GCNT3: variants seen among roughly 807,000 people sequenced by gnomAD.
The protein encoded by GCNT3 is glucosaminyl (N-acetyl) transferase 3, mucin type.
For synonymous variants in GCNT3, 269 were observed against 195.2 expected, an observed-to-expected ratio of 1.38 and a Z score of -3.15; for missense variants, 708 against 530.3, an observed-to-expected ratio of 1.34 and a Z score of -3.29.
intron 1 of GCNT3, among the ~76,000 whole-genome samples, chr15:59,612,582 A>G (rs556101783): frequency 1.3e-5 from 2 of 152,242 alleles, no homozygotes; most frequent in African/African-American, 2.4e-5. Flanking sequence ...ATCATACCCC[A>G]GGTTTCAGTT....
rs771411777 is a variant in GCNT3 at position 59,618,894 on chromosome 15, C to G, written c.656C>G (p.Pro219Arg). 18 of 1,614,020 alleles carry G rather than the reference C, an allele frequency of 1.1e-5. No homozygotes were observed. Among genetic ancestry groups the G allele is most frequent in the Non-Finnish European group, 1.5e-5 (18 of 1,180,046 alleles). Residue 219 changes from proline to arginine, a missense_variant, in exon 3 of 3, where the codon CCG (proline) becomes CGG (arginine). Coordinates refer to ENST00000396065, the MANE Select transcript of GCNT3 (RefSeq NM_004751.3). ...CMEDLLQSSV[P>R]WKYFLNTCGT... Reference sequence around the variant, plus strand: ...GAAGACTTGCTCCAGAGCTCAGTGCCGTGGAAATACTTCCTGAATACATGT... The same window carrying G: ...GAAGACTTGCTCCAGAGCTCAGTGCGGTGGAAATACTTCCTGAATACATGT...
intron 1 of GCNT3, among the ~76,000 whole-genome samples, chr15:59,614,681 T>A: frequency 6.6e-6 from 1 of 152,218 alleles, no homozygotes; most frequent in Non-Finnish European, 1.5e-5. Flanking sequence ...TTAGCTGGCT[T>A]CTTTACTACA....
At chr15:59,612,038 A>C (rs1205836021) in intron 1 of GCNT3, 57 bp downstream of exon 1, 1 of 152,224 alleles carries the variant, frequency 6.6e-6, no homozygotes, top group Non-Finnish European at 1.5e-5. Flanking sequence ...TTGTAAATTC[A>C]GCTTAAGATG....
rs2082721747 is a variant in GCNT3 at position 59,616,820 on chromosome 15, C to A, written c.-122C>A. ...TGCCACGGAACACCGCCAGTCTTCACTTGGAAACAGAATCACGCCTTGTGA... is the reference window on the plus strand; with the variant it reads ...TGCCACGGAACACCGCCAGTCTTCAATTGGAAACAGAATCACGCCTTGTGA... On this transcript the variant is annotated 5_prime_UTR_variant, in exon 2 of 3. Transcript: ENST00000396065. 1 of 152,222 alleles carries A rather than the reference C, an allele frequency of 6.6e-6. No individual in the cohort carries two copies. Among genetic ancestry groups the A allele is most frequent in the Admixed American group, 6.5e-5 (1 of 15,288 alleles). 9.4% of individuals were successfully genotyped at this position (152,222 alleles called of 1,614,324 possible). A position where few individuals can be genotyped will look rare whatever the true frequency, so the allele number is the denominator to read the frequency against.
rs1890959572 is a variant in GCNT3, at chr15:59,622,639, T to A, written c.*3084T>A. Reference sequence around the variant, plus strand: ...GTGCAGATTCTCTGAGAAAAGAACTTTGGCCTCATAGTTAACTTACTCCAA... The same window carrying A: ...GTGCAGATTCTCTGAGAAAAGAACTATGGCCTCATAGTTAACTTACTCCAA... On this transcript the variant is annotated 3_prime_UTR_variant, in exon 3 of 3. Coordinates refer to ENST00000396065, the MANE Select transcript of GCNT3 (RefSeq NM_004751.3). The A allele has an allele frequency of 6.6e-6, 1 of 152,196 alleles. No individual in the cohort carries two copies. Among genetic ancestry groups the A allele is most frequent in the African/African-American group, 2.4e-5 (1 of 41,452 alleles). 9.4% of individuals were successfully genotyped at this position (152,196 alleles called of 1,614,324 possible). A position where few individuals can be genotyped will look rare whatever the true frequency, so the allele number is the denominator to read the frequency against.
chr15:59,615,719 C>T (rs1185610990), intron 1 of GCNT3, among the ~76,000 whole-genome samples: 1 of 147,506 alleles, frequency 6.8e-6, no homozygotes, highest in Non-Finnish European at 1.5e-5. Flanking sequence ...CTCATCTCTA[C>T]TTTAAAAAAA....
chr15:59,619,651 G>A lies in GCNT3; in HGVS notation c.*96G>A. On this transcript the variant is annotated 3_prime_UTR_variant, in exon 3 of 3. Coordinates refer to ENST00000396065, the MANE Select transcript of GCNT3 (RefSeq NM_004751.3). ...AGTGTGGGTGGGAGACCAGGGCTTT[G>A]CAATTCGTGGCATCCTTTAGGATAA... 1 of 757,330 alleles carries A rather than the reference G, an allele frequency of 1.3e-6. No individual in the cohort carries two copies. The highest frequency in any genetic ancestry group is 2.3e-6 in the Non-Finnish European group (1 of 440,840). 46.9% of individuals were successfully genotyped at this position (757,330 alleles called of 1,614,324 possible).
At chr15:59,613,577 T>A (rs201185103) in intron 1 of GCNT3, among the ~76,000 whole-genome samples, 10 of 115,460 alleles carry the variant, frequency 8.7e-5, no homozygotes, top group East Asian at 2.4e-4. Flanking sequence ...AATAAATAAA[T>A]AAAAATAAAA....
rs1274359135 is a variant in GCNT3, at chr15:59,611,819, C to G, written c.-413C>G. 1 of 152,168 alleles carries G rather than the reference C, an allele frequency of 6.6e-6. No homozygotes were observed. The highest frequency in any genetic ancestry group is 6.6e-5 in the Admixed American group (1 of 15,258). 9.4% of individuals were successfully genotyped at this position (152,168 alleles called of 1,614,324 possible). A position where few individuals can be genotyped will look rare whatever the true frequency, so the allele number is the denominator to read the frequency against. ...TCTTCTCTCTAAGTCACGGGAACTG[C>G]CCTTGCTACTTGTGACCTGCCCTTT... On this transcript the variant is annotated 5_prime_UTR_variant, in exon 1 of 3. Coordinates refer to ENST00000396065, the MANE Select transcript of GCNT3 (RefSeq NM_004751.3).
intron 1 of GCNT3, among the ~76,000 whole-genome samples, chr15:59,612,815 T>A (rs2082702349): frequency 6.6e-6 from 1 of 151,992 alleles, no homozygotes; most frequent in Admixed American, 6.6e-5. Flanking sequence ...CTCCCTGGGG[T>A]CAGTTGCAGC....
intron 2 of GCNT3, among the ~76,000 whole-genome samples, chr15:59,617,701 C>A (rs2082726151): frequency 6.6e-6 from 1 of 152,134 alleles, no homozygotes; most frequent in African/African-American, 2.4e-5. Context: ...GAAAAGCATT[C>A]TAATGCTATA....
In GCNT3 at chr15:59,619,734, G is replaced by T; in HGVS notation, c.*179G>T. On this transcript the variant is annotated 3_prime_UTR_variant, in exon 3 of 3. Coordinates refer to ENST00000396065, the MANE Select transcript of GCNT3 (RefSeq NM_004751.3). ...CTTTTGCCTTGCAAATTGCTGCCTG[G>T]GTGAATGCTGCTTGTTCTCTCACCC... 1.7e-6 allele frequency: 1 copy of T among 589,850 alleles called. No homozygotes were observed. The highest frequency in any genetic ancestry group is 2.1e-5 in the South Asian group (1 of 47,390). The allele number at this position is 589,850 out of a possible 1,614,324, so 36.5% of individuals were successfully genotyped here. A position where few individuals can be genotyped will look rare whatever the true frequency, so the allele number is the denominator to read the frequency against.
rs1320257236 is a variant in GCNT3, at chr15:59,619,175, C to A, written c.937C>A (p.Pro313Thr). 1.2e-6 allele frequency: 2 copies of A among 1,613,980 alleles called. No homozygotes were observed. Among genetic ancestry groups the A allele is most frequent in the South Asian group, 1.1e-5 (1 of 91,056 alleles). ...TTTCGTCCAACATGTTTTGAAGAAC[C>A]CTAAATCCCAACAACTGATTGAATG... ...RDFVQHVLKN[P>T]KSQQLIEWVK... The change falls in exon 3 of 3, where the codon CCT becomes ACT. Residue 313 changes from proline to threonine, a missense_variant. Coordinates refer to ENST00000396065, the MANE Select transcript of GCNT3 (RefSeq NM_004751.3).
chr15:59,616,452 G>C (rs2141935622), intron 1 of GCNT3: 1 of 152,326 alleles, frequency 6.6e-6, no homozygotes, highest in Middle Eastern at 3.4e-3. Flanking sequence ...TCAAGTTCTT[G>C]CGTGAGCACT....
rs2141942347 is a variant in GCNT3 at position 59,621,458 on chromosome 15, A to G, written c.*1903A>G. The G allele has an allele frequency of 1.3e-5, 2 of 151,848 alleles. No homozygotes were observed. Among genetic ancestry groups the G allele is most frequent in the South Asian group, 4.2e-4 (2 of 4,810 alleles). 9.4% of individuals were successfully genotyped at this position (151,848 alleles called of 1,614,324 possible). On this transcript the variant is annotated 3_prime_UTR_variant, in exon 3 of 3. Transcript: ENST00000396065. The stretch of plus-strand genomic sequence containing the variant: ...AAAACATAGGCAGTGCCCTTTGAAT[A>G]TAGTACAGCTCATCTTCTGCATACG...
chr15:59,619,353 A>T lies in GCNT3; in HGVS notation c.1115A>T (p.Asp372Val), dbSNP rs2082736457. Residue 372 changes from aspartate to valine, a missense_variant, in exon 3 of 3, where the codon GAC becomes GTC. Transcript: ENST00000396065. ...GTCAAGTGGCAGGGTCATGAGGGAGACATCGATAAGGGTGCTCCTTATGCT... is the reference window on the plus strand; with the variant it reads ...GTCAAGTGGCAGGGTCATGAGGGAGTCATCGATAAGGGTGCTCCTTATGCT... The part of the protein sequence containing the change: ...RLVKWQGHEG[D>V]IDKGAPYAPC... 4 of 1,613,954 alleles carry T rather than the reference A, an allele frequency of 2.5e-6. No individual in the cohort carries two copies. Among genetic ancestry groups the T allele is most frequent in the Non-Finnish European group, 8.5e-7 (1 of 1,180,010 alleles).
chr15:59,619,026 C>G lies in GCNT3; in HGVS notation c.788C>G (p.Thr263Ser), dbSNP rs147238180. 7.0e-4 allele frequency: 1,125 copies of G among 1,614,056 alleles called. 5 individuals are homozygous for G. The African/African-American group carries it at 0.013, about 19-fold the overall frequency. Residue 263 changes from threonine (T) to serine (S), a missense_variant, in exon 3 of 3, where the codon ACC (threonine) becomes AGC (serine). Physicochemically the swap from Thr to Ser is moderately conservative, Grantham distance 58 (BLOSUM62 1). Coordinates refer to ENST00000396065, the MANE Select transcript of GCNT3 (RefSeq NM_004751.3). ...GAGGTACCTCCTAAGCACAAAGAAA[C>G]CCGCTGGAAATATCACTTTGAGGTA... ...ESEVPPKHKE[T>S]RWKYHFEVVR...
chr15:59,618,406 G>C lies in GCNT3; in HGVS notation c.168G>C (p.Leu56Phe). ...AAAGCCAGTACTGTAGGAATATCTT[G>C]TATAATTTCCTGAAACTTCCAGCAA... ...ESQSQYCRNI[L>F]YNFLKLPAKR... The change falls in exon 3 of 3, where the codon TTG (leucine) becomes TTC (phenylalanine). Residue 56 changes from leucine (L) to phenylalanine (F), a missense_variant. Transcript: ENST00000396065. The C allele has an allele frequency of 6.2e-7, 1 of 1,614,114 alleles. No homozygotes were observed. The highest frequency in any genetic ancestry group is 8.5e-7 in the Non-Finnish European group (1 of 1,179,990).
At position 59,619,185 on chromosome 15, in the gene GCNT3, A is replaced by C; in HGVS notation, c.947A>C (p.Gln316Pro). ...CATGTTTTGAAGAACCCTAAATCCC[A>C]ACAACTGATTGAATGGGTAAAAGAC... ...VQHVLKNPKS[Q>P]QLIEWVKDTY... Residue 316 changes from glutamine to proline, a missense_variant, in exon 3 of 3, where the codon CAA becomes CCA. Coordinates refer to ENST00000396065, the MANE Select transcript of GCNT3 (RefSeq NM_004751.3). 2 of 1,614,062 alleles carry C rather than the reference A, an allele frequency of 1.2e-6. No individual in the cohort carries two copies. The highest frequency in any genetic ancestry group is 1.7e-6 in the Non-Finnish European group (2 of 1,179,988).
Sources: gnomAD v4.1 joint callset for allele counts (sites outside exome capture counted in the v4.1 genomes callset) on GRCh38, gnomAD v4.1.1 for gene constraint, MANE v1.5 for transcripts, NCBI Gene and HGNC (gene_info 2026-07-23, HGNC 2026-07-21) for gene names.